The following FCGR1A variants were observed in gnomAD, a reference collection of about 807,000 sequenced individuals.
FCGR1A encodes the protein high affinity immunoglobulin gamma Fc receptor I.
In FCGR1A, 13 loss-of-function variants were observed where a neutral mutation model predicts 35.0. The observed-to-expected ratio is 0.37, with a 90% CI of 0.24 to 0.59. The LOEUF is 0.59. Among genes scored for constraint, FCGR1A ranks in the 20% least tolerant of loss-of-function variants. The pLI, the probability that FCGR1A is intolerant of heterozygous loss-of-function variation, is 0.71. For synonymous variants in FCGR1A, 91 were observed against 164.7 expected, an observed-to-expected ratio of 0.55 and a Z score of 3.43; for missense variants, 227 against 430.0, an observed-to-expected ratio of 0.53 and a Z score of 4.17.
At chr1:149,784,629 G>A (rs1380053770) in intron 3 of FCGR1A, among the ~76,000 whole-genome samples, 2 of 150,236 alleles carry the variant, frequency 1.3e-5, no homozygotes, top group African/African-American at 4.9e-5. Context: ...ACCTTCCACA[G>A]AAACAAAACT....
At chr1:149,792,716 C>A, downstream of FCGR1A, 1 of 1,283,678 alleles carries the variant, frequency 7.8e-7, no homozygotes. Flanking sequence ...TGGGCGCGCG[C>A]TTCTCCGCAG....
downstream of FCGR1A, among the ~76,000 whole-genome samples, chr1:149,793,700 G>A (rs1379250884): frequency 3.3e-5 from 5 of 151,600 alleles, no homozygotes; most frequent in Non-Finnish European, 7.4e-5. Flanking sequence ...ACCGGCATTA[G>A]GTTGGGAGGG....
At chr1:149,790,360 C>T (rs1161354647) in intron 5 of FCGR1A, 22 bp downstream of exon 5, 35 of 1,577,450 alleles carry the variant, frequency 2.2e-5, no homozygotes, top group Middle Eastern at 2.2e-4. Context: ...TGACGGGAAG[C>T]CACTGGCACA....
intron 3 of FCGR1A, chr1:149,785,619 C>T (rs2091528391): frequency 2.6e-5 from 4 of 151,722 alleles, no homozygotes. Context: ...TCTACACAGA[C>T]TCTAGGACAC....
At chr1:149,789,037 G>A (rs2102051532) in intron 4 of FCGR1A, among the ~76,000 whole-genome samples, 2 of 151,924 alleles carry the variant, frequency 1.3e-5, no homozygotes, top group Middle Eastern at 3.4e-3. Flanking sequence ...TACCTCTCAG[G>A]GACAAAGCAG....
chr1:149,793,432 C>G (rs1161531498), downstream of FCGR1A, among the ~76,000 whole-genome samples: 2 of 152,072 alleles, frequency 1.3e-5, no homozygotes, highest in African/African-American at 4.8e-5. Flanking sequence ...CGGGAACCGC[C>G]GAGCTTCACC....
At position 149,788,582 on chromosome 1, in the gene FCGR1A, G is replaced by A. The variant is rs658160; in HGVS notation, c.524G>A (p.Arg175His). ...CATTGCTCAGGCATGGGAAAGCATCGCTACACATCAGCAGGAATATCTGTC... is the reference window on the plus strand; with the variant it reads ...CATTGCTCAGGCATGGGAAAGCATCACTACACATCAGCAGGAATATCTGTC... ...TYHCSGMGKHRYTSAGISVTV... is the reference protein window; with the variant it reads ...TYHCSGMGKHHYTSAGISVTV... The change falls in exon 4 of 6, where the codon CGC (arginine) becomes CAC (histidine). Residue 175 changes from arginine to histidine, a missense_variant. Physicochemically the swap from Arg to His is conservative, Grantham distance 29. Around this residue, in one of 3 missense-constraint regions of FCGR1A, gnomAD observed 185 missense variants for 306.6 expected, o/e 0.60. Coordinates refer to ENST00000369168, the MANE Select transcript of FCGR1A (RefSeq NM_000566.4). 49 of 1,613,832 alleles carry A rather than the reference G, an allele frequency of 3.0e-5. No homozygotes were observed. Among genetic ancestry groups the A allele is most frequent in the African/African-American group, 4.0e-5 (3 of 74,894 alleles).
Position 149,788,307 on chromosome 1 carries a change from C to A in FCGR1A, c.308-59C>A, listed in dbSNP as rs587773839. 6 of 1,611,128 alleles carry A rather than the reference C, an allele frequency of 3.7e-6. No homozygotes were observed. In the East Asian group the frequency reaches 1.3e-4, roughly 36 times the overall value. On this transcript the variant is annotated intron_variant, in intron 3 of 5. Transcript: ENST00000369168. ...AAAATAGGAAGCCCACAGGGCCAAGCTTGGGCCTCCTTGTACCTCCTCCAC... is the reference window on the plus strand; with the variant it reads ...AAAATAGGAAGCCCACAGGGCCAAGATTGGGCCTCCTTGTACCTCCTCCAC...
chr1:149,789,152 AC>A (rs782518780), intron 4 of FCGR1A, among the ~76,000 whole-genome samples: 19 of 150,942 alleles, frequency 1.3e-4, no homozygotes, highest in Non-Finnish European at 1.8e-4. Flanking sequence ...ATCACTAGCA[AC>A]CTTTCTCTGT....
the FCGR1A span, among the ~76,000 whole-genome samples, chr1:149,799,844 A>G: frequency 1.3e-5 from 2 of 152,180 alleles, no homozygotes; most frequent in African/African-American, 4.8e-5. Flanking sequence ...CTGTGCTTTC[A>G]CACTACAACA....
At chr1:149,798,939 A>G in the FCGR1A span, among the ~76,000 whole-genome samples, 2 of 149,928 alleles carry the variant, frequency 1.3e-5, no homozygotes, top group Non-Finnish European at 3.0e-5. Context: ...TACAGTAATA[A>G]TATCTATATC....
chr1:149,784,836 C>T (rs1221674705), intron 3 of FCGR1A, among the ~76,000 whole-genome samples: 5 of 151,670 alleles, frequency 3.3e-5, no homozygotes, highest in Admixed American at 6.6e-5. Flanking sequence ...AATAGAAATC[C>T]ACTTTAAAAT....
downstream of FCGR1A, chr1:149,794,003 G>C: frequency 1.2e-6 from 1 of 815,734 alleles, no homozygotes; most frequent in Non-Finnish European, 1.8e-6. Context: ...GAACCAGACA[G>C]AATGGAGGTA....
chr1:149,799,929 A>T, the FCGR1A span, among the ~76,000 whole-genome samples: 1 of 152,144 alleles, frequency 6.6e-6, no homozygotes. Context: ...AGTGGACACC[A>T]GCTGAGTGTA....
rs374741011 is a variant in FCGR1A, at chr1:149,791,515, T to G, written c.1123T>G (p.Ter375GluextTer47). ...CCGGAAGGAGCCCCAGGGGGCCACG[T>G]AGCAGCGGCTCAGTGGGTGGCCATC... ...VHRKEPQGAT[*>E] is the part of the protein sequence containing the mutation. Residue 375 changes from the stop codon to glutamate, a stop_lost, in exon 6 of 6, where the codon TAG becomes GAG. Coordinates refer to ENST00000369168, the MANE Select transcript of FCGR1A (RefSeq NM_000566.4). 196 of 1,610,406 alleles carry G rather than the reference T, an allele frequency of 1.2e-4. No individual in the cohort carries two copies. In the African/African-American group the frequency reaches 2.3e-3, roughly 19 times the overall value.
chr1:149,792,945 C>A (rs1277660064), downstream of FCGR1A: 5 of 1,274,062 alleles, frequency 3.9e-6, no homozygotes, highest in African/African-American at 4.7e-5. Context: ...GAAAACCCGG[C>A]GGCAGAATGG....
Position 149,784,135 on chromosome 1 carries a change from C to T in FCGR1A, c.185C>T (p.Ala62Val). The change falls in exon 3 of 6, where the codon GCC (alanine) becomes GTC (valine). Residue 62 changes from alanine to valine, a missense_variant. Physicochemically the swap from Ala to Val is moderately conservative, Grantham distance 64. This residue lies in a region of FCGR1A where 185 missense variants were observed against 306.6 expected (regional missense o/e 0.60). Transcript: ENST00000369168. ...ACACAGTGGTTTCTCAATGGCACAGCCACTCAGACCTCGACCCCCAGCTAC... is the reference window on the plus strand; with the variant it reads ...ACACAGTGGTTTCTCAATGGCACAGTCACTCAGACCTCGACCCCCAGCTAC... ...SSTQWFLNGT[A>V]TQTSTPSYRI... is the part of the protein sequence containing the mutation. The T allele has an allele frequency of 6.2e-7, 1 of 1,611,778 alleles. No individual in the cohort carries two copies. The highest frequency in any genetic ancestry group is 8.5e-7 in the Non-Finnish European group (1 of 1,179,844).
At chr1:149,792,752 G>A (rs1269053077), downstream of FCGR1A, 2 of 1,283,768 alleles carry the variant, frequency 1.6e-6, no homozygotes, top group African/African-American at 1.6e-5. Context: ...AAAACCCAGT[G>A]AGAAATTATT....
chr1:149,789,952 T>A, intron 4 of FCGR1A, 102 bp from the exon 5 acceptor site: 1 of 1,607,188 alleles, frequency 6.2e-7, no homozygotes, highest in Non-Finnish European at 8.5e-7. Flanking sequence ...ATGGATGCAT[T>A]TTCTAGGGCC....
Sources: gnomAD v4.1 joint callset for allele counts (sites outside exome capture counted in the v4.1 genomes callset) on GRCh38, gnomAD v4.1.1 for gene constraint, gnomAD v4.1.1 regional missense constraint, MANE v1.5 for transcripts, NCBI Gene and HGNC (gene_info 2026-07-23, HGNC 2026-07-21) for gene names.